GAS7: variants seen among roughly 807,000 people sequenced by gnomAD.
The protein encoded by GAS7 is growth arrest specific 7.
In GAS7, 28 loss-of-function variants were observed where a neutral mutation model predicts 71.1. That is an observed-to-expected ratio of 0.39 (90% CI 0.29 to 0.54). GAS7 has a LOEUF of 0.54. GAS7 is among the 20% of genes least tolerant of loss of function. GAS7 has a pLI of 0.62. For synonymous variants in GAS7, 258 were observed against 245.8 expected, an observed-to-expected ratio of 1.05 and a Z score of -0.46; for missense variants, 436 against 627.8, an observed-to-expected ratio of 0.69 and a Z score of 3.27.
At chr17:10,078,073 GTGTGTGTTT>G (rs1212513374) in intron 1 of GAS7, among the ~76,000 whole-genome samples, 3 of 115,818 alleles carry the variant, frequency 2.6e-5, no homozygotes, top group East Asian at 2.1e-4. Context: ...GTGTGTGTGT[GTGTGTGTTT>G]TGTTTTGTTT....
At position 9,969,446 on chromosome 17, in the gene GAS7, C is replaced by T. The variant is rs370429390; in HGVS notation, c.471+231G>A. 1.1e-4 allele frequency among the ~76,000 whole-genome samples: 17 copies of T among 152,232 alleles called. No homozygotes were observed. The East Asian group carries it at 2.9e-3, about 26-fold the overall frequency. ...GTCCTAATGGTTTCAACCCCATCAC[C>T]GTCAACCCCTCCTCCAAACCACCCT... is the stretch of plus-strand genomic sequence containing the variant. On this transcript the variant is annotated intron_variant, in intron 4 of 13. Coordinates refer to ENST00000432992, the MANE Select transcript of GAS7 (RefSeq NM_201433.2). The surrounding 1 kb of genome is among the most constrained non-coding windows in gnomAD (Gnocchi z 5.5).
At chr17:10,083,400 G>C (rs530652238) in intron 1 of GAS7, among the ~76,000 whole-genome samples, 8 of 152,266 alleles carry the variant, frequency 5.3e-5, no homozygotes, top group Admixed American at 4.6e-4. Flanking sequence ...GGTGGTGCAC[G>C]CCTGTAATCC....
intron 5 of GAS7, among the ~76,000 whole-genome samples, chr17:9,948,636 T>C (rs1344294566): frequency 1.3e-5 from 2 of 152,018 alleles, no homozygotes; most frequent in African/African-American, 2.4e-5. Flanking sequence ...TGAGCCGAGA[T>C]TGTGCCATTG....
intron 1 of GAS7, among the ~76,000 whole-genome samples, chr17:10,124,674 G>T (rs903062459): frequency 4.6e-5 from 7 of 152,140 alleles, no homozygotes; most frequent in African/African-American, 1.4e-4. Flanking sequence ...CCAGCAGTTT[G>T]GGGGGGAGCT....
At chr17:10,093,565 A>AAAAAAAAAAAAC (rs2073609133) in intron 1 of GAS7, among the ~76,000 whole-genome samples, 1 of 151,586 alleles carries the variant, frequency 6.6e-6, no homozygotes. Context: ...AAAAAAAAAA[A>AAAAAAAAAAAAC]AAAAAAAAGC....
At chr17:9,991,525 T>A (rs113883740) in intron 2 of GAS7, among the ~76,000 whole-genome samples, 1 of 152,208 alleles carries the variant, frequency 6.6e-6, no homozygotes, top group African/African-American at 2.4e-5. Flanking sequence ...CTGGTCTGGC[T>A]CCAGCCTGCA....
rs552936671 is a variant in GAS7, at chr17:9,999,197, A to C, written c.305-17313T>G. Among the ~76,000 whole-genome samples the C allele has an allele frequency of 1.4e-4, 21 of 152,340 alleles. 1 individual carries two copies. In the South Asian group the frequency reaches 4.3e-3, roughly 32 times the overall value. ...CTAATCTGTATATAGAAGACTTTCCAGTAAAAGGTGTGACTTTATGTGTAT... is the reference window on the plus strand; with the variant it reads ...CTAATCTGTATATAGAAGACTTTCCCGTAAAAGGTGTGACTTTATGTGTAT... On this transcript the variant is annotated intron_variant, in intron 2 of 13. Coordinates refer to ENST00000432992, the MANE Select transcript of GAS7 (RefSeq NM_201433.2).
intron 1 of GAS7, among the ~76,000 whole-genome samples, chr17:10,064,388 C>T (rs1334834281): frequency 2.0e-5 from 3 of 152,198 alleles, no homozygotes; most frequent in African/African-American, 7.2e-5. Flanking sequence ...GCAGGCCATA[C>T]GTACCCCGGC....
intron 2 of GAS7, among the ~76,000 whole-genome samples, chr17:10,013,303 C>G (rs1197017419): frequency 6.6e-6 from 1 of 152,142 alleles, no homozygotes; most frequent in Non-Finnish European, 1.5e-5. Context: ...GTCATCCAGT[C>G]TATGGCTTTT....
chr17:10,047,609 C>T (rs2072998091), intron 1 of GAS7, among the ~76,000 whole-genome samples: 1 of 152,090 alleles, frequency 6.6e-6, no homozygotes, highest in Admixed American at 6.5e-5. Context: ...AGAAGAAAAA[C>T]TGTCAGGAAA....
chr17:10,097,106 G>A (rs1158140005), intron 1 of GAS7, among the ~76,000 whole-genome samples: 2 of 152,170 alleles, frequency 1.3e-5, no homozygotes, highest in Non-Finnish European at 2.9e-5. Context: ...TCTGGCGCTG[G>A]GCTGCCTTCC....
At chr17:10,007,934 G>C (rs994359113) in intron 2 of GAS7, among the ~76,000 whole-genome samples, 1 of 152,052 alleles carries the variant, frequency 6.6e-6, no homozygotes, top group African/African-American at 2.4e-5. Context: ...GGTTTTCTGT[G>C]GATTTCTCTA....
chr17:9,945,800 G>C (rs1303563798), intron 6 of GAS7, among the ~76,000 whole-genome samples: 1 of 151,930 alleles, frequency 6.6e-6, no homozygotes, highest in African/African-American at 2.4e-5. Context: ...ATGAAATCCT[G>C]TCTCTATTAA....
At chr17:9,939,506 T>C (rs1248095219) in intron 8 of GAS7, among the ~76,000 whole-genome samples, 4 of 152,164 alleles carry the variant, frequency 2.6e-5, no homozygotes, top group African/African-American at 9.7e-5. Context: ...AGTGGGCATC[T>C]AGAGGCTGCT....
chr17:10,176,844 G>C (rs1411714566), intron 1 of GAS7, among the ~76,000 whole-genome samples: 1 of 152,076 alleles, frequency 6.6e-6, no homozygotes, highest in Non-Finnish European at 1.5e-5. Context: ...TTCTAACCTT[G>C]GCCGTCCGTG....
intron 1 of GAS7, among the ~76,000 whole-genome samples, chr17:10,132,247 A>G (rs1456225675): frequency 1.3e-5 from 2 of 152,132 alleles, no homozygotes; most frequent in African/African-American, 4.8e-5. Flanking sequence ...CCCATAACTA[A>G]ATACTTCTTA....
intron 1 of GAS7, among the ~76,000 whole-genome samples, chr17:10,092,174 A>G (rs767198070): frequency 2.2e-4 from 33 of 152,186 alleles, no homozygotes; most frequent in Non-Finnish European, 4.3e-4. Flanking sequence ...TCTCTGGAAC[A>G]TTCTTTCCTC....
chr17:10,115,315 G>A (rs1191971206), intron 1 of GAS7, among the ~76,000 whole-genome samples: 2 of 152,192 alleles, frequency 1.3e-5, no homozygotes, highest in Admixed American at 1.3e-4. Context: ...TGGGACTGGC[G>A]GGTGCACAGG....
intron 1 of GAS7, among the ~76,000 whole-genome samples, chr17:10,128,165 C>T (rs1336862909): frequency 6.6e-6 from 1 of 152,218 alleles, no homozygotes; most frequent in South Asian, 2.1e-4. Flanking sequence ...AGTTCCGGGG[C>T]GGCTCCAGTG....
Sources: allele counts gnomAD v4.1 joint callset (sites outside exome capture counted in the v4.1 genomes callset), GRCh38; gene constraint gnomAD v4.1.1; non-coding constraint Gnocchi (gnomAD v3.1); transcripts MANE v1.5; gene names NCBI Gene and HGNC (gene_info 2026-07-23, HGNC 2026-07-21).